Variants in DYNC1H1 observed in about 807,000 individuals in gnomAD.
DYNC1H1 encodes cytoplasmic dynein 1 heavy chain 1.
DYNC1H1 carries 51 observed loss-of-function variants against 527.1 expected under a neutral mutation model. The ratio of observed to expected loss-of-function variants is 0.10; its 90% CI spans 0.08 to 0.12. The LOEUF is 0.12. Ranked by LOEUF, DYNC1H1 falls within the 10% of genes least tolerant of loss-of-function variation. DYNC1H1 has a pLI of 1.00. For missense variants in DYNC1H1, 2,771 were observed against 5,971.8 expected, an observed-to-expected ratio of 0.46 and a Z score of 17.66; for synonymous variants, 2,189 against 2,278.8, an observed-to-expected ratio of 0.96 and a Z score of 1.12.
chr14:102,030,599 A>G, intron 51 of DYNC1H1: 3 of 343,020 alleles, frequency 8.7e-6, no homozygotes, highest in Non-Finnish European at 1.7e-5. Flanking sequence ...CTATTTATCA[A>G]TCCCTGACTT....
chr14:101,991,019 A>G (rs958737198), intron 10 of DYNC1H1, among the ~76,000 whole-genome samples: 2 of 151,830 alleles, frequency 1.3e-5, no homozygotes, highest in African/African-American at 4.8e-5. Context: ...AAAAAAAAAA[A>G]AAAAAATACA....
chr14:101,983,444 A>G lies in DYNC1H1; in HGVS notation c.1296A>G (p.Val432=), dbSNP rs767564445. The change falls in exon 7 of 78, where the codon GTA becomes GTG. Residue 432 remains valine (V), a synonymous_variant. Coordinates refer to ENST00000360184, the MANE Select transcript of DYNC1H1 (RefSeq NM_001376.5). The surrounding 1 kb of genome is among the most constrained non-coding windows in gnomAD (Gnocchi z 5.3). ...TWDDEYEKLQ[V]LLRDIVKRKR... is the part of the protein sequence containing the mutation. ...ATGATGAGTATGAGAAACTTCAGGT[A>G]TTGTTGAGAGACATCGTCAAAAGAA... 82 of 1,614,036 alleles carry G rather than the reference A, an allele frequency of 5.1e-5. No individual in the cohort carries two copies. The highest frequency in any genetic ancestry group is 1.6e-4 in the Middle Eastern group (1 of 6,084).
At chr14:101,994,871 A>G (rs1433884149) in intron 13 of DYNC1H1, 22 bp downstream of exon 13, 6 of 1,614,216 alleles carry the variant, frequency 3.7e-6, no homozygotes, top group Non-Finnish European at 3.4e-6. Flanking sequence ...TGTCTGGTTG[A>G]AAGGTGTCAC....
intron 1 of DYNC1H1, among the ~76,000 whole-genome samples, chr14:101,970,211 G>A (rs1220964791): frequency 1.3e-5 from 2 of 151,994 alleles, no homozygotes; most frequent in Non-Finnish European, 2.9e-5. Flanking sequence ...TCCTAATGAT[G>A]TTACAATGGA....
chr14:102,024,566 G>C (rs566546624), intron 43 of DYNC1H1, among the ~76,000 whole-genome samples: 8 of 152,154 alleles, frequency 5.3e-5, no homozygotes, highest in Non-Finnish European at 1.2e-4. Context: ...CCTGATAGGA[G>C]CTGGGAGTAG....
In DYNC1H1 at chr14:102,050,058, T is replaced by G. The variant is rs775532133; in HGVS notation, c.13685-13T>G. ...TGTTCACCTCAGCCTGGGTTTTGGCTTCCGCCTCACAGGTTTGAAACTTCA... is the reference window on the plus strand; with the variant it reads ...TGTTCACCTCAGCCTGGGTTTTGGCGTCCGCCTCACAGGTTTGAAACTTCA... On this transcript the variant is annotated splice_polypyrimidine_tract_variant and intron_variant, in intron 76 of 77. Transcript: ENST00000360184. The G allele has an allele frequency of 6.5e-7, 1 of 1,547,430 alleles. No individual in the cohort carries two copies. The highest frequency in any genetic ancestry group is 2.1e-5 in the Admixed American group (1 of 48,314).
At position 102,011,663 on chromosome 14, in the gene DYNC1H1, A is replaced by G. The variant is rs941368298; in HGVS notation, c.6619-212A>G. 2 of 582,056 alleles carry G rather than the reference A, an allele frequency of 3.4e-6. No individual in the cohort carries two copies. The highest frequency in any genetic ancestry group is 6.1e-6 in the Non-Finnish European group (2 of 325,958). 36.1% of individuals were successfully genotyped at this position (582,056 alleles called of 1,614,324 possible). A position where few individuals can be genotyped will look rare whatever the true frequency, so the allele number is the denominator to read the frequency against. On this transcript the variant is annotated intron_variant, in intron 32 of 77. Transcript: ENST00000360184. This position sits in a 1 kb window ranked among gnomAD's most constrained non-coding sequence, Gnocchi z 5.3. The stretch of plus-strand genomic sequence containing the variant: ...GCTACTTGGGAGAGTGAGGAAGGAG[A>G]ATCACTTGAACCTGGGAGGTGGAGC...
Position 102,056,184 on chromosome 14 carries a change from C to A in DYNC1H1, c.*5621C>A, listed in dbSNP as rs1307888998. 28 of 152,196 alleles carry A rather than the reference C, an allele frequency of 1.8e-4. No individual in the cohort carries two copies. The highest frequency in any genetic ancestry group is 1.7e-3 in the Admixed American group (26 of 15,276). The allele number at this position is 152,196 out of a possible 1,614,324, so 9.4% of individuals were successfully genotyped here. A position where few individuals can be genotyped will look rare whatever the true frequency, so the allele number is the denominator to read the frequency against. ...AAAAATCAGCTCATGACTTAGAACC[C>A]GATGTTACCCATAGATTTCAGGCAT... is the stretch of plus-strand genomic sequence containing the variant. On this transcript the variant is annotated 3_prime_UTR_variant, in exon 78 of 78. Coordinates refer to ENST00000360184, the MANE Select transcript of DYNC1H1 (RefSeq NM_001376.5).
At chr14:102,043,703 TTAA>T (rs2048680401) in intron 69 of DYNC1H1, 169 bp from the exon 70 acceptor site, 1 of 766,066 alleles carries the variant, frequency 1.3e-6, no homozygotes, top group Non-Finnish European at 2.2e-6. Flanking sequence ...GACACGTCTA[TTAA>T]TAGAAAAGTT....
rs2048264504 is a variant in DYNC1H1, at chr14:102,012,056, C to A, written c.6800C>A (p.Thr2267Asn). ...ATCAGCAAAGACCACCTCTACGGAA[C>A]CCTGGACCCCAACACCAGGGAATGG... Reference protein sequence around the residue: ...KAISKDHLYGTLDPNTREWTD... With the variant: ...KAISKDHLYGNLDPNTREWTD... Residue 2267 changes from threonine to asparagine, a missense_variant, in exon 33 of 78, where the codon ACC becomes AAC. By Grantham distance (65) the Thr-to-Asn change is moderately conservative. Coordinates refer to ENST00000360184, the MANE Select transcript of DYNC1H1 (RefSeq NM_001376.5). This position sits in a 1 kb window ranked among gnomAD's most constrained non-coding sequence, Gnocchi z 4.9. The A allele has an allele frequency of 1.9e-6, 3 of 1,614,058 alleles. No individual in the cohort carries two copies.
In DYNC1H1 at chr14:102,049,856, T is replaced by C; in HGVS notation, c.13658T>C (p.Leu4553Pro). Residue 4553 changes from leucine to proline, a missense_variant, in exon 76 of 78, where the codon CTT (leucine) becomes CCT (proline). Leu to Pro is a moderately conservative substitution (Grantham distance 98). Coordinates refer to ENST00000360184, the MANE Select transcript of DYNC1H1 (RefSeq NM_001376.5). This position sits in a 1 kb window ranked among gnomAD's most constrained non-coding sequence, Gnocchi z 5.5. ...VNVTTSQGAT[L>P]DACSFGVTGL... Reference sequence around the variant, plus strand: ...GTCACCACCTCACAGGGCGCCACCCTTGACGCTTGCAGCTTCGGAGTCACG... The same window carrying C: ...GTCACCACCTCACAGGGCGCCACCCCTGACGCTTGCAGCTTCGGAGTCACG... 1 of 1,613,904 alleles carries C rather than the reference T, an allele frequency of 6.2e-7. No homozygotes were observed. The highest frequency in any genetic ancestry group is 8.5e-7 in the Non-Finnish European group (1 of 1,180,012).
chr14:102,007,790 G>C (rs570157023), intron 28 of DYNC1H1, among the ~76,000 whole-genome samples: 1 of 152,232 alleles, frequency 6.6e-6, no homozygotes, highest in African/African-American at 2.4e-5. Context: ...AGCACAGGCT[G>C]TGTGGCTTAA....
intron 42 of DYNC1H1, among the ~76,000 whole-genome samples, chr14:102,022,381 C>A (rs549470234): frequency 6.6e-6 from 1 of 151,494 alleles, no homozygotes; most frequent in Non-Finnish European, 1.5e-5. Context: ...TGGCGGGCGC[C>A]TGTAGTCCCA....
At chr14:102,023,135 C>T in intron 43 of DYNC1H1, 3 of 478,506 alleles carry the variant, frequency 6.3e-6, no homozygotes, top group Non-Finnish European at 1.2e-5. Flanking sequence ...CAAGGTAACT[C>T]ACGCCTATGG....
chr14:102,007,171 CA>C (rs1243507064), intron 28 of DYNC1H1, 63 bp downstream of exon 28: 3 of 1,546,546 alleles, frequency 1.9e-6, no homozygotes, highest in Non-Finnish European at 2.7e-6. Flanking sequence ...TGGGGAATAT[CA>C]AGCTCCGTAC....
At chr14:101,973,679 G>T (rs1421203930) in intron 1 of DYNC1H1, among the ~76,000 whole-genome samples, 1 of 152,042 alleles carries the variant, frequency 6.6e-6, no homozygotes, top group Non-Finnish European at 1.5e-5. Flanking sequence ...TGGCATGAGC[G>T]TGGGGTCCCA....
Position 101,986,814 on chromosome 14 carries a change from A to G in DYNC1H1, c.2538+51A>G. ...GTCCTGGTAACGAATGAAGCACAGT[A>G]ATAGCGAGCTCAGTTAAAACACTAG... On this transcript the variant is annotated intron_variant, in intron 8 of 77. Transcript: ENST00000360184. This position sits in a 1 kb window ranked among gnomAD's most constrained non-coding sequence, Gnocchi z 8.7. 1.2e-6 allele frequency: 2 copies of G among 1,601,426 alleles called. No individual in the cohort carries two copies. The highest frequency in any genetic ancestry group is 1.7e-6 in the Non-Finnish European group (2 of 1,168,902).
At position 102,042,283 on chromosome 14, in the gene DYNC1H1, G is replaced by A. The variant is rs549895432; in HGVS notation, c.12270G>A (p.Ser4090=). Residue 4090 remains serine, a synonymous_variant, in exon 67 of 78, where the codon TCG becomes TCA. Transcript: ENST00000360184. This position sits in a 1 kb window ranked among gnomAD's most constrained non-coding sequence, Gnocchi z 5.7. ...ADKAINTAVK[S]GRWVMLKNVH... Reference sequence around the variant, plus strand: ...AGGCAATAAACACCGCTGTAAAGTCGGGCAGGTAGGCCTGTTCTCTTTGGC... The same window carrying A: ...AGGCAATAAACACCGCTGTAAAGTCAGGCAGGTAGGCCTGTTCTCTTTGGC... 29 of 1,614,034 alleles carry A rather than the reference G, an allele frequency of 1.8e-5. No individual in the cohort carries two copies. In the East Asian group the frequency reaches 2.9e-4, roughly 16 times the overall value.
rs781507402 is a variant in DYNC1H1, at chr14:101,985,667, T to G, written c.1462-20T>G. ...CTTCGTTTGGTCAGCATTTCTTGAT[T>G]ACATATCTTTCTCCTTTAGGTCACG... On this transcript the variant is annotated intron_variant, in intron 7 of 77. Coordinates refer to ENST00000360184, the MANE Select transcript of DYNC1H1 (RefSeq NM_001376.5). This position sits in a 1 kb window ranked among gnomAD's most constrained non-coding sequence, Gnocchi z 5.9. 5.6e-6 allele frequency: 9 copies of G among 1,613,640 alleles called. No homozygotes were observed. The East Asian group carries it at 1.8e-4, about 32-fold the overall frequency.
Sources: gnomAD v4.1 joint callset for allele counts (sites outside exome capture counted in the v4.1 genomes callset) on GRCh38, gnomAD v4.1.1 for gene constraint, Gnocchi (gnomAD v3.1) non-coding constraint, MANE v1.5 for transcripts, NCBI Gene and HGNC (gene_info 2026-07-23, HGNC 2026-07-21) for gene names.